The following ADARB2 variants were observed in gnomAD, a reference collection of about 807,000 sequenced individuals.
The protein encoded by ADARB2 is inactive double-stranded RNA-specific editase B2.
In ADARB2, 25 loss-of-function variants were observed where a neutral mutation model predicts 62.2. The ratio of observed to expected loss-of-function variants is 0.40; its 90% CI spans 0.29 to 0.56. ADARB2 has a LOEUF of 0.56. Among genes scored for constraint, ADARB2 ranks in the 20% least tolerant of loss-of-function variants. The pLI, the probability that ADARB2 is intolerant of heterozygous loss-of-function variation, is 0.43. For missense variants in ADARB2, 1,071 were observed against 1,077.4 expected (o/e 0.99, Z 0.08); for synonymous variants, 572 against 500.8 (o/e 1.14, Z -1.90).
At chr10:1,597,322 AG>A (rs1332241913) in intron 1 of ADARB2, among the ~76,000 whole-genome samples, 18 of 152,342 alleles carry the variant, frequency 1.2e-4, no homozygotes, top group African/African-American at 4.3e-4. Context: ...CCCAATTGAC[AG>A]AGTAAACAGA....
At chr10:1,276,000 A>C (rs981566222) in intron 3 of ADARB2, among the ~76,000 whole-genome samples, 12 of 152,130 alleles carry the variant, frequency 7.9e-5, no homozygotes, top group African/African-American at 2.9e-4. Context: ...AGCATGATTT[A>C]TAATCCTTTG....
intron 3 of ADARB2, among the ~76,000 whole-genome samples, chr10:1,284,120 C>T (rs965070529): frequency 1.3e-5 from 2 of 152,156 alleles, no homozygotes; most frequent in African/African-American, 4.8e-5. Context: ...TTATGGAATG[C>T]TTCTCAGGGT....
intron 1 of ADARB2, among the ~76,000 whole-genome samples, chr10:1,534,126 G>A (rs1012633295): frequency 1.3e-5 from 2 of 150,212 alleles, no homozygotes; most frequent in East Asian, 3.9e-4. Context: ...CGATTTTCCT[G>A]CATTGAAATA....
chr10:1,712,459 T>C (rs1237640492), intron 1 of ADARB2, among the ~76,000 whole-genome samples: 1 of 151,726 alleles, frequency 6.6e-6, no homozygotes, highest in African/African-American at 2.4e-5. Flanking sequence ...GCCTTCTGCA[T>C]GAGGAGAGGC....
chr10:1,343,441 G>T (rs572072738), intron 3 of ADARB2, among the ~76,000 whole-genome samples: 3 of 152,274 alleles, frequency 2.0e-5, no homozygotes, highest in Admixed American at 6.5e-5. Context: ...AGATTAGCTC[G>T]GCCATTGTGG....
intron 1 of ADARB2, among the ~76,000 whole-genome samples, chr10:1,707,586 G>A (rs1834904954): frequency 6.6e-6 from 1 of 152,218 alleles, no homozygotes; most frequent in African/African-American, 2.4e-5. Context: ...CTGTTAGGTG[G>A]AGAGTGGTTC....
intron 1 of ADARB2, among the ~76,000 whole-genome samples, chr10:1,700,712 T>C (rs374878034): frequency 6.3e-3 from 9 of 1,432 alleles, no homozygotes; most frequent in African/African-American, 7.1e-3. Flanking sequence ...CAGGCGCTAG[T>C]CAATACACGC....
chr10:1,524,858 A>G (rs1346995200), intron 1 of ADARB2, among the ~76,000 whole-genome samples: 2 of 152,204 alleles, frequency 1.3e-5, no homozygotes, highest in Admixed American at 6.5e-5. Flanking sequence ...TTTCCAGCCT[A>G]GAACTAGCAG....
At chr10:1,470,358 A>C (rs981495371) in intron 1 of ADARB2, among the ~76,000 whole-genome samples, 4 of 152,230 alleles carry the variant, frequency 2.6e-5, no homozygotes, top group Non-Finnish European at 5.9e-5. Flanking sequence ...CACGCACAGC[A>C]TATCCTTCGC....
intron 4 of ADARB2, among the ~76,000 whole-genome samples, chr10:1,244,606 G>T (rs1830965519): frequency 6.6e-6 from 1 of 152,196 alleles, no homozygotes; most frequent in African/African-American, 2.4e-5. Flanking sequence ...CACCCCCACC[G>T]CCAGCACCAC....
intron 1 of ADARB2, 63 bp downstream of exon 1, chr10:1,736,988 A>G: frequency 6.5e-7 from 1 of 1,541,682 alleles, no homozygotes; most frequent in Non-Finnish European, 8.9e-7. Flanking sequence ...ACCCCATGAG[A>G]GGCCGGGGTG....
intron 3 of ADARB2, among the ~76,000 whole-genome samples, chr10:1,275,627 A>G (rs1425996754): frequency 6.6e-6 from 1 of 151,518 alleles, no homozygotes; most frequent in Non-Finnish European, 1.5e-5. Context: ...ATTTAACATT[A>G]GGTATATCTC....
At chr10:1,369,453 T>G (rs1477315996) in intron 2 of ADARB2, among the ~76,000 whole-genome samples, 1 of 152,094 alleles carries the variant, frequency 6.6e-6, no homozygotes, top group Non-Finnish European at 1.5e-5. Flanking sequence ...CCCCCTGGAT[T>G]GTGTCCCAAA....
At chr10:1,396,609 TCCTCCTCTCCCCTC>T (rs1832616355) in intron 1 of ADARB2, among the ~76,000 whole-genome samples, 1 of 149,478 alleles carries the variant, frequency 6.7e-6, no homozygotes, top group African/African-American at 2.5e-5. Context: ...TGGGTCACCG[TCCTCCTCTCCCCTC>T]CCGAGTGCAG....
intron 3 of ADARB2, among the ~76,000 whole-genome samples, chr10:1,305,327 A>T (rs1371022228): frequency 6.6e-6 from 1 of 151,942 alleles, no homozygotes; most frequent in Non-Finnish European, 1.5e-5. Context: ...TCCTCGACAC[A>T]TACATCCTCC....
intron 1 of ADARB2, among the ~76,000 whole-genome samples, chr10:1,508,107 G>T (rs1053315962): frequency 1.3e-5 from 2 of 152,190 alleles, no homozygotes; most frequent in Admixed American, 1.3e-4. Context: ...GAGGTCGCGT[G>T]TGAACGTGAA....
intron 1 of ADARB2, among the ~76,000 whole-genome samples, chr10:1,644,866 C>G (rs975614613): frequency 6.6e-6 from 1 of 152,210 alleles, no homozygotes. Flanking sequence ...AGATTTCACT[C>G]TCAAATAGTG....
intron 1 of ADARB2, among the ~76,000 whole-genome samples, chr10:1,648,778 T>G (rs183590910): frequency 6.6e-6 from 1 of 152,322 alleles, no homozygotes; most frequent in Non-Finnish European, 1.5e-5. Context: ...GTTGGTTAAC[T>G]GAGCGTGTTT....
chr10:1,321,760 G>C (rs111484027), intron 3 of ADARB2, among the ~76,000 whole-genome samples: 5,889 of 152,252 alleles, frequency 0.039, 122 homozygotes, highest in South Asian at 0.082. Context: ...CCAGCTACGA[G>C]GGCTTTTGTC....
Sources: gnomAD v4.1 joint callset for allele counts (sites outside exome capture counted in the v4.1 genomes callset) on GRCh38, gnomAD v4.1.1 for gene constraint, MANE v1.5 for transcripts, NCBI Gene and HGNC (gene_info 2026-07-23, HGNC 2026-07-21) for gene names.